The following RAB27B variants were observed in gnomAD, a reference collection of about 807,000 sequenced individuals.
RAB27B encodes the protein ras-related protein Rab-27B.
A neutral mutation model predicts 24.6 loss-of-function variants in RAB27B; 15 were observed. The observed-to-expected ratio is 0.61, with a 90% confidence interval of 0.41 to 0.94. The LOEUF is 0.94. Ranked by LOEUF, RAB27B falls within the 40% of genes least tolerant of loss-of-function variation. RAB27B has a pLI of 0.00. For synonymous variants in RAB27B, 105 were observed against 92.5 expected (o/e 1.14, Z -0.78); for missense variants, 261 against 266.8 (o/e 0.98, Z 0.15).
intron 3 of RAB27B, among the ~76,000 whole-genome samples, chr18:54,883,804 C>T (rs1913021706): frequency 6.6e-6 from 1 of 152,090 alleles, no homozygotes. Context: ...CAGTTTTACC[C>T]CCAAACAGTG....
At chr18:54,857,796 T>C (rs544926107) in intron 1 of RAB27B, among the ~76,000 whole-genome samples, 26 of 152,344 alleles carry the variant, frequency 1.7e-4, no homozygotes, top group Non-Finnish European at 3.8e-4. Context: ...TATAGCCCAG[T>C]AAATGCAGTT....
intron 2 of RAB27B, among the ~76,000 whole-genome samples, chr18:54,804,949 T>G (rs1411394067): frequency 9.4e-6 from 1 of 106,784 alleles, no homozygotes; most frequent in African/African-American, 3.0e-5. Context: ...TTTCTTTCTT[T>G]CTTTCTCTTT....
intron 2 of RAB27B, among the ~76,000 whole-genome samples, chr18:54,751,498 A>T (rs958275612): frequency 1.3e-5 from 2 of 152,188 alleles, no homozygotes; most frequent in Admixed American, 6.5e-5. Context: ...GAGTCGGCAT[A>T]TGAGAAATTA....
Position 54,884,325 on chromosome 18 carries a change from C to T in RAB27B, c.240-8C>T. The T allele has an allele frequency of 6.3e-7, 1 of 1,585,614 alleles. No individual in the cohort carries two copies. Among genetic ancestry groups the T allele is most frequent in the Non-Finnish European group, 8.7e-7 (1 of 1,154,708 alleles). On this transcript the variant is annotated splice_polypyrimidine_tract_variant and splice_region_variant and intron_variant, in intron 3 of 5. Transcript: ENST00000262094. ...CTTTCAGAACTACCCACTGTGTTTC[C>T]TTGGCAGGTTCCGGAGTCTCACCAC...
intron 2 of RAB27B, among the ~76,000 whole-genome samples, chr18:54,720,444 T>C (rs1393432278): frequency 6.6e-6 from 1 of 152,082 alleles, no homozygotes; most frequent in Admixed American, 6.5e-5. Flanking sequence ...GCAGTACTTT[T>C]CCATCCAAAA....
intron 2 of RAB27B, among the ~76,000 whole-genome samples, chr18:54,807,494 A>G (rs1909828717): frequency 6.6e-6 from 1 of 152,196 alleles, no homozygotes. Context: ...AGGATTGAAC[A>G]TGATAACTTG....
At chr18:54,840,441 G>A (rs1341271565) in intron 1 of RAB27B, among the ~76,000 whole-genome samples, 1 of 152,088 alleles carries the variant, frequency 6.6e-6, no homozygotes, top group South Asian at 2.1e-4. Context: ...CCAAAGTCAT[G>A]CCTAATATTA....
intron 1 of RAB27B, among the ~76,000 whole-genome samples, chr18:54,829,102 T>C (rs934668420): frequency 6.6e-6 from 1 of 152,178 alleles, no homozygotes; most frequent in African/African-American, 2.4e-5. Flanking sequence ...AGGAGCGACT[T>C]AGTGAGGCAA....
At position 54,892,391 on chromosome 18, in the gene RAB27B, A is replaced by G. The variant is rs1913403564; in HGVS notation, c.*2978A>G. ...CACTAACACAGCTAAAGATCTTCTG[A>G]TATTATCAGCAAGGGATGCAAGGAC... On this transcript the variant is annotated 3_prime_UTR_variant, in exon 6 of 6. Coordinates refer to ENST00000262094, the MANE Select transcript of RAB27B (RefSeq NM_004163.4). The G allele has an allele frequency of 6.6e-6, 1 of 152,026 alleles. No individual in the cohort carries two copies. 9.4% of individuals were successfully genotyped at this position (152,026 alleles called of 1,614,324 possible). A position where few individuals can be genotyped will look rare whatever the true frequency, so the allele number is the denominator to read the frequency against.
At chr18:54,803,572 G>T (rs1909676918) in intron 2 of RAB27B, among the ~76,000 whole-genome samples, 1 of 152,182 alleles carries the variant, frequency 6.6e-6, no homozygotes, top group Admixed American at 6.5e-5. Flanking sequence ...AAGAATGGAA[G>T]CAGTTAGACC....
intron 2 of RAB27B, among the ~76,000 whole-genome samples, chr18:54,737,126 A>T (rs887071259): frequency 6.6e-6 from 1 of 152,168 alleles, no homozygotes. Context: ...CTGTGGAAAA[A>T]AAAACTACTT....
chr18:54,727,193 T>G (rs2311207), intron 2 of RAB27B, among the ~76,000 whole-genome samples: 1 of 152,000 alleles, frequency 6.6e-6, no homozygotes, highest in South Asian at 2.1e-4. Context: ...AGGCTGGTCT[T>G]GAACTCCTGA....
intron 2 of RAB27B, among the ~76,000 whole-genome samples, chr18:54,776,786 T>C (rs886468439): frequency 2.6e-5 from 4 of 152,170 alleles, no homozygotes; most frequent in Non-Finnish European, 5.9e-5. Context: ...GGGCCTGGCA[T>C]GGTCAGGCAT....
intron 2 of RAB27B, among the ~76,000 whole-genome samples, chr18:54,793,817 G>A (rs536901005): frequency 1.0e-3 from 156 of 152,334 alleles, no homozygotes; most frequent in Admixed American, 1.8e-3. Flanking sequence ...AAGCAGAGGA[G>A]AGAGGATCTC....
At chr18:54,842,095 A>G (rs1240734214) in intron 1 of RAB27B, among the ~76,000 whole-genome samples, 1 of 152,236 alleles carries the variant, frequency 6.6e-6, no homozygotes, top group Non-Finnish European at 1.5e-5. Context: ...TGTGAGGAAT[A>G]GCTCTAAACT....
chr18:54,874,394 C>T (rs1912607024), intron 1 of RAB27B, among the ~76,000 whole-genome samples: 1 of 152,010 alleles, frequency 6.6e-6, no homozygotes, highest in Non-Finnish European at 1.5e-5. Flanking sequence ...TTCTCAGATC[C>T]TTATTTCACT....
intron 2 of RAB27B, among the ~76,000 whole-genome samples, chr18:54,726,501 C>A (rs1040102942): frequency 6.6e-6 from 1 of 151,506 alleles, no homozygotes; most frequent in African/African-American, 2.4e-5. Flanking sequence ...ACTGTTCTTC[C>A]TGTTCGCTAA....
Position 54,890,764 on chromosome 18 carries a change from C to T in RAB27B, c.*1351C>T, listed in dbSNP as rs1374478856. Reference sequence around the variant, plus strand: ...GATTGGGTGAGGAAGGACTTCTGATCTTATCTCAACAAAAAACTGGCCAGT... The same window carrying T: ...GATTGGGTGAGGAAGGACTTCTGATTTTATCTCAACAAAAAACTGGCCAGT... On this transcript the variant is annotated 3_prime_UTR_variant, in exon 6 of 6. Coordinates refer to ENST00000262094, the MANE Select transcript of RAB27B (RefSeq NM_004163.4). 1 of 151,836 alleles carries T rather than the reference C, an allele frequency of 6.6e-6. No individual in the cohort carries two copies. Among genetic ancestry groups the T allele is most frequent in the Admixed American group, 6.6e-5 (1 of 15,220 alleles). The allele number at this position is 151,836 out of a possible 1,614,324, so 9.4% of individuals were successfully genotyped here. A position where few individuals can be genotyped will look rare whatever the true frequency, so the allele number is the denominator to read the frequency against.
intron 1 of RAB27B, among the ~76,000 whole-genome samples, chr18:54,852,401 T>A (rs1911623449): frequency 6.6e-6 from 1 of 152,238 alleles, no homozygotes; most frequent in South Asian, 2.1e-4. Context: ...CTTCTCAATA[T>A]GGCATAATTT....
Sources: gnomAD v4.1 joint callset for allele counts (sites outside exome capture counted in the v4.1 genomes callset) on GRCh38, gnomAD v4.1.1 for gene constraint, MANE v1.5 for transcripts, NCBI Gene and HGNC (gene_info 2026-07-23, HGNC 2026-07-21) for gene names.